The following CACNA1C variants were observed in gnomAD, a reference collection of about 807,000 sequenced individuals.
CACNA1C encodes calcium voltage-gated channel subunit alpha1 C, also known as voltage-dependent L-type calcium channel subunit alpha-1C.
A neutral mutation model predicts 229.0 loss-of-function variants in CACNA1C; 30 were observed. The ratio of observed to expected loss-of-function variants is 0.13; its 90% CI spans 0.10 to 0.18. The LOEUF is 0.18. Ranked by LOEUF, CACNA1C falls within the 10% of genes least tolerant of loss-of-function variation. The pLI is 1.00. For synonymous variants in CACNA1C, 1,114 were observed against 1,132.5 expected, an observed-to-expected ratio of 0.98 and a Z score of 0.33; for missense variants, 1,658 against 2,845.0, an observed-to-expected ratio of 0.58 and a Z score of 9.49.
chr12:2,663,258 A>G (rs1237250990), intron 34 of CACNA1C, among the ~76,000 whole-genome samples: 2 of 152,232 alleles, frequency 1.3e-5, no homozygotes, highest in Non-Finnish European at 2.9e-5. Flanking sequence ...ATAGACACGA[A>G]ACCACCATGA....
chr12:2,197,979 G>A (rs1566319614), intron 3 of CACNA1C, among the ~76,000 whole-genome samples: 1 of 152,188 alleles, frequency 6.6e-6, no homozygotes, highest in Non-Finnish European at 1.5e-5. Flanking sequence ...GGTTTTGTAA[G>A]TTTAATTCAA....
chr12:2,155,743 G>A (rs574116350), intron 3 of CACNA1C, among the ~76,000 whole-genome samples: 1 of 152,164 alleles, frequency 6.6e-6, no homozygotes, highest in African/African-American at 2.4e-5. Flanking sequence ...ACTTAGACTA[G>A]TTTAGAGCCA....
chr12:2,035,754 T>C (rs952807139), intron 1 of CACNA1C, among the ~76,000 whole-genome samples: 3 of 152,252 alleles, frequency 2.0e-5, no homozygotes, highest in Non-Finnish European at 4.4e-5. Context: ...AGGACGGTAC[T>C]TAAACCATCT....
Position 2,053,534 on chromosome 12 carries a change from G to T in CACNA1C, c.-29G>T, listed in dbSNP as rs1565394788. The T allele has an allele frequency of 5.1e-6, 8 of 1,574,618 alleles. No individual in the cohort carries two copies. Among genetic ancestry groups the T allele is most frequent in the Non-Finnish European group, 6.0e-6 (7 of 1,159,870 alleles). On this transcript the variant is annotated 5_prime_UTR_variant, in exon 1 of 47. Coordinates refer to ENST00000399655, the MANE Select transcript of CACNA1C (RefSeq NM_000719.7). The surrounding 1 kb of genome is among the most constrained non-coding windows in gnomAD (Gnocchi z 5.8). ...TTCACATTTCTTCCTCTTCGTGGCTGCTCCTCCTATTAAAACCATTTTTGG... is the reference window on the plus strand; with the variant it reads ...TTCACATTTCTTCCTCTTCGTGGCTTCTCCTCCTATTAAAACCATTTTTGG...
Position 2,651,659 on chromosome 12 carries a change from G to A in CACNA1C, c.3965G>A (p.Arg1322His). The A allele has an allele frequency of 6.2e-7, 1 of 1,613,878 alleles. No homozygotes were observed. The highest frequency in any genetic ancestry group is 8.5e-7 in the Non-Finnish European group (1 of 1,179,838). The change falls in exon 32 of 47, where the codon CGC (arginine) becomes CAC (histidine). Residue 1322 changes from arginine to histidine, a missense_variant. Physicochemically the swap from Arg to His is conservative, Grantham distance 29. Around this residue, in one of 20 missense-constraint regions of CACNA1C, gnomAD observed 38 missense variants for 53.3 expected, o/e 0.71. Coordinates refer to ENST00000399655, the MANE Select transcript of CACNA1C (RefSeq NM_000719.7). This position sits in a 1 kb window ranked among gnomAD's most constrained non-coding sequence, Gnocchi z 5.4. ...TTCCAGAACGCAGAGGAAAACTCCC[G>A]CATCTCCATCACCTTCTTCCGCCTG... The part of the protein sequence containing the change: ...SPSMNAEENS[R>H]ISITFFRLFR...
In CACNA1C at chr12:2,535,160, C is replaced by A. The variant is rs535039413; in HGVS notation, c.1391-14783C>A. Among the ~76,000 whole-genome samples the A allele has an allele frequency of 4.0e-5, 6 of 150,786 alleles. No homozygotes were observed. The East Asian group carries it at 1.2e-3, about 30-fold the overall frequency. ...ATCCCAGCACTTTGGGAGGCCGAGG[C>A]GGGCAGATCACGAGGTCAGGAGATT... On this transcript the variant is annotated intron_variant, in intron 9 of 46. Transcript: ENST00000399655.
intron 1 of CACNA1C, among the ~76,000 whole-genome samples, chr12:2,037,267 A>G (rs1425780574): frequency 6.6e-6 from 1 of 152,240 alleles, no homozygotes; most frequent in Admixed American, 6.5e-5. Flanking sequence ...TGTTTGAGAC[A>G]GAAATAAAGA....
chr12:2,012,540 A>G (rs535885409), intron 1 of CACNA1C, among the ~76,000 whole-genome samples: 60 of 152,348 alleles, frequency 3.9e-4, no homozygotes, highest in African/African-American at 1.4e-3. Flanking sequence ...ACAAATCCAT[A>G]CGTGAGTTAT....
intron 1 of CACNA1C, among the ~76,000 whole-genome samples, chr12:2,089,516 A>G (rs1474909678): frequency 3.9e-5 from 6 of 152,172 alleles, no homozygotes; most frequent in Non-Finnish European, 5.9e-5. Flanking sequence ...GTTGTGATGA[A>G]CATGGCAACA....
chr12:2,106,659 C>A (rs2078846090), intron 1 of CACNA1C, among the ~76,000 whole-genome samples: 1 of 56,530 alleles, frequency 1.8e-5, no homozygotes, highest in South Asian at 7.2e-4. Context: ...GGGAGGGTTT[C>A]CACCTCAGCT....
rs1016702656 is a variant in CACNA1C, at chr12:2,648,499, C to T, written c.3937C>T (p.Pro1313Ser). 1.2e-6 allele frequency: 2 copies of T among 1,613,782 alleles called. No homozygotes were observed. Among genetic ancestry groups the T allele is most frequent in the African/African-American group, 1.3e-5 (1 of 74,918 alleles). Residue 1313 changes from proline to serine, a missense_variant, in exon 31 of 47, where the codon CCC becomes TCC. By Grantham distance (74) the Pro-to-Ser change is moderately conservative. Transcript: ENST00000399655. ...VNPAEHTQCS[P>S]SMNAEENSRI... is the part of the protein sequence containing the mutation. ...GCCAGCTGAACATACCCAATGCTCT[C>T]CCTCTATGGTAAGACCAACCCTCCC... is the stretch of plus-strand genomic sequence containing the variant.
chr12:2,065,753 G>T (rs1435059366), intron 1 of CACNA1C, among the ~76,000 whole-genome samples: 2 of 152,226 alleles, frequency 1.3e-5, no homozygotes, highest in Non-Finnish European at 2.9e-5. Context: ...CTTGAAGGGT[G>T]GATAGAAATG....
At chr12:2,399,042 G>A (rs764396017) in intron 3 of CACNA1C, among the ~76,000 whole-genome samples, 7 of 152,184 alleles carry the variant, frequency 4.6e-5, no homozygotes, top group East Asian at 1.9e-4. Flanking sequence ...ACCTCCCCCC[G>A]GGGACTTGAG....
intron 1 of CACNA1C, among the ~76,000 whole-genome samples, chr12:2,063,744 A>G (rs1461747352): frequency 6.6e-6 from 1 of 152,246 alleles, no homozygotes; most frequent in Admixed American, 6.5e-5. Context: ...ATGGCTGAAT[A>G]GTATTTCATT....
At chr12:2,469,074 C>G (rs2154567364) in intron 5 of CACNA1C, among the ~76,000 whole-genome samples, 1 of 152,276 alleles carries the variant, frequency 6.6e-6, no homozygotes, top group Non-Finnish European at 1.5e-5. Context: ...GTTGCCATTT[C>G]TGTTGGGGGT....
intron 1 of CACNA1C, among the ~76,000 whole-genome samples, chr12:2,068,441 C>A (rs1367341056): frequency 6.6e-6 from 1 of 152,222 alleles, no homozygotes; most frequent in African/African-American, 2.4e-5. Context: ...GGAGGCTGGG[C>A]TTCTGCACCT....
At chr12:2,436,965 A>T (rs1289446070) in intron 3 of CACNA1C, among the ~76,000 whole-genome samples, 1 of 152,218 alleles carries the variant, frequency 6.6e-6, no homozygotes, top group Non-Finnish European at 1.5e-5. Context: ...TGGCTGCCAC[A>T]GTTCCAGACT....
At chr12:2,482,353 G>A (rs769721561) in intron 5 of CACNA1C, among the ~76,000 whole-genome samples, 29 of 152,350 alleles carry the variant, frequency 1.9e-4, no homozygotes, top group Non-Finnish European at 3.2e-4. Context: ...CGTGTGGGGG[G>A]CATTTGCACA....
chr12:2,034,580 A>T lies in CACNA1C; in HGVS notation c.139+63379A>T, dbSNP rs374186613. Among the ~76,000 whole-genome samples the T allele has an allele frequency of 5.9e-5, 9 of 152,300 alleles. No homozygotes were observed. The East Asian group carries it at 1.7e-3, about 29-fold the overall frequency. On this transcript the variant is annotated intron_variant, in intron 1 of 46. Coordinates refer to the CACNA1C transcript ENST00000682462. The surrounding 1 kb of genome is among the most constrained non-coding windows in gnomAD (Gnocchi z 4.1). ...CTTTCTGTTTTATTACTCTAAAGTA[A>T]ACTTCCCCAGCACACAGCTCAAAGA...
Sources: gnomAD v4.1 joint callset for allele counts (sites outside exome capture counted in the v4.1 genomes callset) on GRCh38, gnomAD v4.1.1 for gene constraint, gnomAD v4.1.1 regional missense constraint, Gnocchi (gnomAD v3.1) non-coding constraint, MANE v1.5 for transcripts, NCBI Gene and HGNC (gene_info 2026-07-23, HGNC 2026-07-21) for gene names.